STK32B: variants seen among roughly 807,000 people sequenced by gnomAD.
STK32B encodes the protein serine/threonine-protein kinase 32B.
A neutral mutation model predicts 52.6 loss-of-function variants in STK32B; 43 were observed. The observed-to-expected ratio is 0.82, with a 90% CI of 0.64 to 1.05. The LOEUF is 1.05. Ranked by LOEUF, STK32B falls within the 50% of genes least tolerant of loss-of-function variation. The pLI is 0.00. For synonymous variants in STK32B, 238 were observed against 204.3 expected, an observed-to-expected ratio of 1.17 and a Z score of -1.41; for missense variants, 621 against 534.6, an observed-to-expected ratio of 1.16 and a Z score of -1.59.
chr4:5,306,297 T>G (rs971538617), intron 3 of STK32B, among the ~76,000 whole-genome samples: 2 of 152,170 alleles, frequency 1.3e-5, no homozygotes, highest in African/African-American at 4.8e-5. Context: ...GTGCTGTCCG[T>G]GGAATATTGA....
intron 3 of STK32B, among the ~76,000 whole-genome samples, chr4:5,220,155 C>A (rs1488701135): frequency 6.6e-6 from 1 of 152,124 alleles, no homozygotes; most frequent in Non-Finnish European, 1.5e-5. Context: ...AGATGTACAC[C>A]GAGTGTGCCT....
intron 1 of STK32B, among the ~76,000 whole-genome samples, chr4:5,121,317 G>A (rs1370146280): frequency 6.6e-6 from 1 of 152,020 alleles, no homozygotes; most frequent in Non-Finnish European, 1.5e-5. Context: ...TTCACTCCTT[G>A]GTCAATGGGC....
chr4:5,087,663 A>G (rs1577059772), intron 1 of STK32B, among the ~76,000 whole-genome samples: 1 of 152,018 alleles, frequency 6.6e-6, no homozygotes, highest in East Asian at 1.9e-4. Context: ...AATATCAAAC[A>G]TAATAGACTT....
chr4:5,088,900 A>C (rs1293310999), intron 1 of STK32B, among the ~76,000 whole-genome samples: 1 of 151,726 alleles, frequency 6.6e-6, no homozygotes, highest in Non-Finnish European at 1.5e-5. Context: ...ACAAAGAAGA[A>C]CAAACTAAAT....
At chr4:5,316,657 A>G (rs1730830299) in intron 3 of STK32B, among the ~76,000 whole-genome samples, 1 of 14,462 alleles carries the variant, frequency 6.9e-5, no homozygotes, top group Non-Finnish European at 9.0e-5. Context: ...TATATAATAT[A>G]TAATATATAT....
At chr4:5,383,756 G>A (rs1363783211) in intron 4 of STK32B, among the ~76,000 whole-genome samples, 1 of 152,200 alleles carries the variant, frequency 6.6e-6, no homozygotes, top group Non-Finnish European at 1.5e-5. Flanking sequence ...CTGAGTCCTG[G>A]ACCTCTGGGG....
intron 11 of STK32B, among the ~76,000 whole-genome samples, chr4:5,495,654 G>C (rs1052490499): frequency 1.3e-5 from 2 of 152,206 alleles, no homozygotes; most frequent in African/African-American, 2.4e-5. Flanking sequence ...GAGGCACTCT[G>C]CTTTTTAGAG....
rs537845334 is a variant in STK32B, at chr4:5,240,989, C to T, written c.260+72539C>T. Among the ~76,000 whole-genome samples the T allele has an allele frequency of 2.0e-4, 30 of 152,230 alleles. No individual in the cohort carries two copies. The South Asian group carries it at 6.2e-3, about 32-fold the overall frequency. On this transcript the variant is annotated intron_variant, in intron 3 of 11. Coordinates refer to ENST00000282908, the MANE Select transcript of STK32B (RefSeq NM_018401.3). ...TGTAAGTTCTTTTTGTAAGTCCTTC[C>T]ATCCTGTTCTTCTTCAAGAAGAATC... is the stretch of plus-strand genomic sequence containing the variant.
intron 1 of STK32B, among the ~76,000 whole-genome samples, chr4:5,114,908 C>A (rs991402334): frequency 6.6e-6 from 1 of 152,102 alleles, no homozygotes; most frequent in African/African-American, 2.4e-5. Context: ...GCACCCCAAG[C>A]CTCTTCCCAC....
chr4:5,162,297 G>A (rs1320093075), intron 2 of STK32B, among the ~76,000 whole-genome samples: 1 of 152,150 alleles, frequency 6.6e-6, no homozygotes. Context: ...CTCAACTCTG[G>A]TTGTACTTCA....
intron 1 of STK32B, among the ~76,000 whole-genome samples, chr4:5,134,566 A>C (rs1317200910): frequency 6.6e-6 from 1 of 152,254 alleles, no homozygotes; most frequent in Non-Finnish European, 1.5e-5. Flanking sequence ...CTGTGATAGC[A>C]ACACAAAACA....
chr4:5,243,499 AG>A (rs1725197229), intron 3 of STK32B, among the ~76,000 whole-genome samples: 1 of 152,176 alleles, frequency 6.6e-6, no homozygotes, highest in Admixed American at 6.5e-5. Context: ...GGGGTTTTCT[AG>A]GTATACAATC....
chr4:5,019,982 T>C, the STK32B span, among the ~76,000 whole-genome samples: 40 of 152,184 alleles, frequency 2.6e-4, no homozygotes, highest in Middle Eastern at 6.8e-3. Flanking sequence ...TCCTCGTCCA[T>C]CAATCGCTAA....
intron 1 of STK32B, among the ~76,000 whole-genome samples, chr4:5,062,872 G>A (rs976820759): frequency 6.6e-6 from 1 of 152,134 alleles, no homozygotes; most frequent in Non-Finnish European, 1.5e-5. Context: ...GTATAATTTG[G>A]TGTTTTCACT....
At chr4:5,465,934 AC>A (rs1259203682) in intron 9 of STK32B, among the ~76,000 whole-genome samples, 2 of 152,148 alleles carry the variant, frequency 1.3e-5, no homozygotes, top group African/African-American at 4.8e-5. Context: ...AATTATTGTT[AC>A]CCAAACTTTA....
chr4:5,238,800 G>T (rs983632677), intron 3 of STK32B, among the ~76,000 whole-genome samples: 6 of 152,138 alleles, frequency 3.9e-5, no homozygotes. Context: ...AGTCCACTGC[G>T]TGTCAGCACC....
At chr4:5,442,053 TGTG>T (rs1350849569) in intron 6 of STK32B, among the ~76,000 whole-genome samples, 4 of 109,250 alleles carry the variant, frequency 3.7e-5, no homozygotes, top group African/African-American at 1.0e-4. Context: ...ATAGGTGTGG[TGTG>T]GTGCTGAAAA....
intron 11 of STK32B, among the ~76,000 whole-genome samples, chr4:5,494,427 G>C (rs1185710874): frequency 2.0e-5 from 3 of 151,158 alleles, no homozygotes; most frequent in Non-Finnish European, 4.4e-5. Flanking sequence ...CCATTTGCTT[G>C]GTAGATTTTC....
At chr4:5,411,038 CTTT>C (rs761947959) in intron 5 of STK32B, among the ~76,000 whole-genome samples, 3 of 141,380 alleles carry the variant, frequency 2.1e-5, no homozygotes, top group Admixed American at 7.1e-5. Flanking sequence ...GGCCCCATCT[CTTT>C]TTTTTTTTTT....
Sources: gnomAD v4.1 joint callset for allele counts (sites outside exome capture counted in the v4.1 genomes callset) on GRCh38, gnomAD v4.1.1 for gene constraint, MANE v1.5 for transcripts, NCBI Gene and HGNC (gene_info 2026-07-23, HGNC 2026-07-21) for gene names.